Variants in SHANK2 observed in about 807,000 individuals in gnomAD.
SHANK2 encodes the protein SH3 and multiple ankyrin repeat domains protein 2.
Under a neutral mutation model 133.7 loss-of-function variants are expected in SHANK2, and 43 were observed. The ratio of observed to expected loss-of-function variants is 0.32; its 90% CI spans 0.25 to 0.41. SHANK2 has a LOEUF of 0.41. Among genes scored for constraint, SHANK2 ranks in the 10% least tolerant of loss-of-function variants. The probability of loss-of-function intolerance (pLI) is 1.00; values close to 1 mark genes in which losing one functional copy is unlikely to be tolerated. For missense variants in SHANK2, 1,994 were observed against 2,235.8 expected, an observed-to-expected ratio of 0.89 and a Z score of 2.18; for synonymous variants, 1,017 against 952.8, an observed-to-expected ratio of 1.07 and a Z score of -1.24.
intron 11 of SHANK2, among the ~76,000 whole-genome samples, chr11:70,853,856 G>A (rs1189386875): frequency 2.0e-5 from 3 of 152,138 alleles, no homozygotes; most frequent in Non-Finnish European, 4.4e-5. Flanking sequence ...TCTGTGTGTG[G>A]CCTTCCTCTC....
intron 17 of SHANK2, among the ~76,000 whole-genome samples, chr11:70,624,082 TG>T (rs1257382739): frequency 6.6e-6 from 1 of 152,086 alleles, no homozygotes; most frequent in Non-Finnish European, 1.5e-5. Context: ...TGTGGACTTC[TG>T]GGAGCAGAGG....
intron 1 of SHANK2, among the ~76,000 whole-genome samples, chr11:71,228,651 G>A (rs976650791): frequency 5.9e-5 from 9 of 152,266 alleles, no homozygotes; most frequent in Non-Finnish European, 8.8e-5. Flanking sequence ...CCAGCTATTC[G>A]GGAGGCTGAG....
At chr11:71,062,863 G>A (rs931600924) in intron 9 of SHANK2, among the ~76,000 whole-genome samples, 96 of 152,018 alleles carry the variant, frequency 6.3e-4, no homozygotes, top group Non-Finnish European at 1.1e-3. Context: ...CAGGAGCGGT[G>A]GTGCGTGCCT....
At position 71,064,228 on chromosome 11, in the gene SHANK2, G is replaced by C. The variant is rs1023033046; in HGVS notation, c.1030-7670C>G. On this transcript the variant is annotated intron_variant, in intron 9 of 25. Transcript: ENST00000601538. ...TCTCTGCCAGGCTTGGGCTGGAGAG[G>C]GGGCACAGAAAACAACCACACAACG... Among the ~76,000 whole-genome samples the C allele has an allele frequency of 9.2e-5, 14 of 152,348 alleles. No homozygotes were observed. The South Asian group carries it at 2.9e-3, about 32-fold the overall frequency.
chr11:70,473,124 G>T lies in SHANK2; in HGVS notation c.5295C>A (p.Ser1765=), dbSNP rs2058615787. 6.2e-7 allele frequency: 1 copy of T among 1,614,258 alleles called. No homozygotes were observed. Among genetic ancestry groups the T allele is most frequent in the Non-Finnish European group, 8.5e-7 (1 of 1,180,052 alleles). Residue 1765 remains serine (S), a synonymous_variant, in exon 26 of 26, where the codon TCC becomes TCA. Coordinates refer to ENST00000601538, the MANE Select transcript of SHANK2 (RefSeq NM_012309.5). This position sits in a 1 kb window ranked among gnomAD's most constrained non-coding sequence, Gnocchi z 5.9. ...LNPAGRSRSP[S]PSILQQPISN... is the part of the protein sequence containing the mutation. ...AGATTGGCTGTTGCAGTATCGAGGG[G>T]GATGGCGACCTACTGCGTCCCGCTG...
chr11:70,749,475 C>A lies in SHANK2; in HGVS notation c.1777+48968G>T, dbSNP rs34999418. Among the ~76,000 whole-genome samples, 952 of 152,294 alleles carry A rather than the reference C, an allele frequency of 6.3e-3. 14 individuals carry two copies. Among genetic ancestry groups the A allele is most frequent in the African/African-American group, 0.022 (901 of 41,554 alleles). On this transcript the variant is annotated intron_variant, in intron 14 of 25. Transcript: ENST00000601538. ...AGAGGAATATAACACAACCCACAATCTACACAACATAATACTCACAATATC... is the reference window on the plus strand; with the variant it reads ...AGAGGAATATAACACAACCCACAATATACACAACATAATACTCACAATATC...
chr11:71,178,223 A>G (rs897721179), intron 2 of SHANK2, among the ~76,000 whole-genome samples: 1 of 152,248 alleles, frequency 6.6e-6, no homozygotes, highest in Non-Finnish European at 1.5e-5. Flanking sequence ...AATGTGGTCT[A>G]TTCATACAGT....
intron 15 of SHANK2, among the ~76,000 whole-genome samples, chr11:70,677,498 C>A (rs1944924372): frequency 6.6e-6 from 1 of 152,210 alleles, no homozygotes; most frequent in South Asian, 2.1e-4. Flanking sequence ...GATGCCCTGT[C>A]TTTGTGACCG....
At chr11:70,881,339 G>C (rs1416160495) in intron 11 of SHANK2, among the ~76,000 whole-genome samples, 3 of 152,050 alleles carry the variant, frequency 2.0e-5, no homozygotes, top group Non-Finnish European at 4.4e-5. Flanking sequence ...GAGCCACCTT[G>C]CCTGGCCAAG....
chr11:70,881,520 G>C (rs951856603), intron 11 of SHANK2, among the ~76,000 whole-genome samples: 2 of 149,698 alleles, frequency 1.3e-5, no homozygotes, highest in Admixed American at 6.8e-5. Context: ...TTTAAGACTA[G>C]CCTGAACAAT....
chr11:71,093,062 G>C (rs1191517378), intron 7 of SHANK2, among the ~76,000 whole-genome samples: 1 of 134,262 alleles, frequency 7.4e-6, no homozygotes, highest in Non-Finnish European at 1.6e-5. Context: ...GGGGGGGGGG[G>C]GCAGGTATAA....
chr11:70,614,305 T>G (rs61195439), intron 17 of SHANK2, among the ~76,000 whole-genome samples: 1 of 148,806 alleles, frequency 6.7e-6, no homozygotes, highest in Non-Finnish European at 1.5e-5. Context: ...AGCCAGACAG[T>G]CTGTGGGTTT....
At chr11:70,648,701 G>A (rs1555009210) in intron 17 of SHANK2, among the ~76,000 whole-genome samples, 1 of 152,178 alleles carries the variant, frequency 6.6e-6, no homozygotes, top group African/African-American at 2.4e-5. Context: ...TGATGTAAAT[G>A]AATCCACCCC....
At chr11:70,802,263 G>T (rs182928634) in intron 13 of SHANK2, among the ~76,000 whole-genome samples, 1 of 152,164 alleles carries the variant, frequency 6.6e-6, no homozygotes, top group Non-Finnish European at 1.5e-5. Context: ...TGCTTCCTGA[G>T]GCCACAGTGG....
chr11:70,581,029 G>A (rs549314200), intron 17 of SHANK2, among the ~76,000 whole-genome samples: 1 of 152,326 alleles, frequency 6.6e-6, no homozygotes, highest in South Asian at 2.1e-4. Flanking sequence ...GTCACTGCGA[G>A]GCCTTCTGAG....
chr11:70,780,229 C>T, intron 14 of SHANK2, among the ~76,000 whole-genome samples: 1 of 152,134 alleles, frequency 6.6e-6, no homozygotes, highest in African/African-American at 2.4e-5. Flanking sequence ...TTGGAGGGAG[C>T]CCTGGGGTTT....
intron 10 of SHANK2, chr11:70,943,828 A>G (rs1950680942): frequency 4.6e-6 from 2 of 431,812 alleles, no homozygotes; most frequent in South Asian, 3.4e-5. Context: ...TCCCTTCCTC[A>G]CCACAGGGCC....
chr11:70,615,218 C>T (rs2060722177), intron 17 of SHANK2, among the ~76,000 whole-genome samples: 1 of 152,140 alleles, frequency 6.6e-6, no homozygotes, highest in Admixed American at 6.5e-5. Flanking sequence ...ATTGCCTATA[C>T]ACCTCTGCCT....
chr11:70,650,279 G>A (rs934772023), intron 17 of SHANK2, among the ~76,000 whole-genome samples: 3 of 152,292 alleles, frequency 2.0e-5, no homozygotes, highest in Non-Finnish European at 2.9e-5. Context: ...TTTCTCCATC[G>A]AGTAGATGAG....
Sources: allele counts gnomAD v4.1 joint callset (sites outside exome capture counted in the v4.1 genomes callset), GRCh38; gene constraint gnomAD v4.1.1; non-coding constraint Gnocchi (gnomAD v3.1); transcripts MANE v1.5; gene names NCBI Gene and HGNC (gene_info 2026-07-23, HGNC 2026-07-21).